Variants in L3MBTL4 observed in about 807,000 individuals in gnomAD.
L3MBTL4 encodes the protein L3MBTL histone methyl-lysine binding protein 4.
A neutral mutation model predicts 84.5 loss-of-function variants in L3MBTL4; 70 were observed. The ratio of observed to expected loss-of-function variants is 0.83; its 90% confidence interval spans 0.68 to 1.01. L3MBTL4 has a LOEUF of 1.01. Among genes scored for constraint, L3MBTL4 ranks in the 50% least tolerant of loss-of-function variants. The pLI is 0.00. For synonymous variants in L3MBTL4, 274 were observed against 259.8 expected (o/e 1.05, Z -0.52); for missense variants, 715 against 754.8 (o/e 0.95, Z 0.62).
intron 13 of L3MBTL4, among the ~76,000 whole-genome samples, chr18:6,146,679 G>C (rs1271460216): frequency 1.3e-5 from 2 of 152,240 alleles, no homozygotes; most frequent in Non-Finnish European, 2.9e-5. Context: ...GTTGTATAAA[G>C]TGGTTATAAA....
chr18:6,147,895 T>C (rs974692824), intron 13 of L3MBTL4, among the ~76,000 whole-genome samples: 4 of 152,200 alleles, frequency 2.6e-5, no homozygotes, highest in Admixed American at 6.5e-5. Flanking sequence ...ATTTATCATA[T>C]GTTCAGCTTT....
chr18:6,361,765 G>A (rs1020100580), intron 1 of L3MBTL4, among the ~76,000 whole-genome samples: 3 of 152,108 alleles, frequency 2.0e-5, no homozygotes, highest in African/African-American at 7.2e-5. Context: ...TTCCATGTAC[G>A]TCGTCTCTTT....
intron 13 of L3MBTL4, among the ~76,000 whole-genome samples, chr18:6,169,864 G>A (rs1300568545): frequency 6.6e-6 from 1 of 151,676 alleles, no homozygotes; most frequent in Non-Finnish European, 1.5e-5. Flanking sequence ...TTTAATTAAA[G>A]TATTTGGAAA....
chr18:6,282,097 C>T (rs893178769), intron 4 of L3MBTL4, among the ~76,000 whole-genome samples: 3 of 152,138 alleles, frequency 2.0e-5, no homozygotes, highest in Non-Finnish European at 2.9e-5. Flanking sequence ...AAGTGCTTCT[C>T]CATGAGTCTA....
intron 12 of L3MBTL4, among the ~76,000 whole-genome samples, chr18:6,208,019 TGTGAGAATTGTGTG>T (rs2045944521): frequency 1.3e-5 from 2 of 151,584 alleles, no homozygotes; most frequent in Admixed American, 6.6e-5. Context: ...GAGGCTGAGG[TGTGAGAATTGTGTG>T]AGCCCATGGA....
chr18:6,311,032 G>A (rs919381190), intron 3 of L3MBTL4, among the ~76,000 whole-genome samples: 3 of 151,936 alleles, frequency 2.0e-5, no homozygotes, highest in African/African-American at 7.3e-5. Flanking sequence ...CTCCTCCCTG[G>A]GCCTCCTGCC....
At chr18:6,329,380 C>T (rs1415823244) in intron 1 of L3MBTL4, among the ~76,000 whole-genome samples, 1 of 151,872 alleles carries the variant, frequency 6.6e-6, no homozygotes, top group East Asian at 1.9e-4. Flanking sequence ...GTCTCTATCT[C>T]CTGACCTCAC....
At chr18:6,287,333 G>GA (rs1479062561) in intron 4 of L3MBTL4, among the ~76,000 whole-genome samples, 1 of 151,400 alleles carries the variant, frequency 6.6e-6, no homozygotes, top group African/African-American at 2.4e-5. Flanking sequence ...CGAGGCTCCA[G>GA]AAAAAAAAGA....
At chr18:6,199,280 T>A (rs542743515) in intron 12 of L3MBTL4, among the ~76,000 whole-genome samples, 1 of 152,322 alleles carries the variant, frequency 6.6e-6, no homozygotes, top group Non-Finnish European at 1.5e-5. Context: ...CTGGACACCC[T>A]AAAGCTACAC....
chr18:6,213,020 T>A (rs1328515290), intron 12 of L3MBTL4, 129 bp downstream of exon 12: 6 of 575,694 alleles, frequency 1.0e-5, no homozygotes, highest in Non-Finnish European at 1.5e-5. Flanking sequence ...CAGAACGCTT[T>A]TCCCCCCAGA....
intron 16 of L3MBTL4, among the ~76,000 whole-genome samples, chr18:6,018,222 C>T (rs1347746902): frequency 6.6e-6 from 1 of 152,118 alleles, no homozygotes; most frequent in Non-Finnish European, 1.5e-5. Flanking sequence ...GAAAGTCGAA[C>T]CGAGGCTGCC....
intron 16 of L3MBTL4, among the ~76,000 whole-genome samples, chr18:6,071,391 TAA>T (rs769840156): frequency 4.8e-4 from 62 of 129,834 alleles, no homozygotes; most frequent in Middle Eastern, 4.2e-3. Context: ...CTCTTTCAAT[TAA>T]AAAAAAAAAA....
At chr18:6,131,978 TA>T (rs1469076209) in intron 14 of L3MBTL4, among the ~76,000 whole-genome samples, 2 of 152,196 alleles carry the variant, frequency 1.3e-5, no homozygotes, top group South Asian at 2.1e-4. Flanking sequence ...ATTAACTGGG[TA>T]AAAAACAGTG....
intron 16 of L3MBTL4, among the ~76,000 whole-genome samples, chr18:5,971,916 A>G (rs950699376): frequency 6.6e-6 from 1 of 152,230 alleles, no homozygotes; most frequent in South Asian, 2.1e-4. Context: ...TATGCTGTGC[A>G]TTTGAACTCA....
intron 1 of L3MBTL4, among the ~76,000 whole-genome samples, chr18:6,409,806 C>T (rs147139354): frequency 6.6e-6 from 1 of 152,302 alleles, no homozygotes; most frequent in African/African-American, 2.4e-5. Flanking sequence ...TCCCCTAGGG[C>T]TCACACTGGG....
chr18:6,167,139 T>C (rs1457462035), intron 13 of L3MBTL4, among the ~76,000 whole-genome samples: 1 of 152,172 alleles, frequency 6.6e-6, no homozygotes, highest in Non-Finnish European at 1.5e-5. Context: ...AGAAGTTGAA[T>C]CTCTGAATAG....
intron 16 of L3MBTL4, among the ~76,000 whole-genome samples, chr18:5,983,376 G>A (rs182811326): frequency 6.7e-4 from 102 of 152,210 alleles, no homozygotes; most frequent in African/African-American, 2.4e-3. Flanking sequence ...GTAGATAACC[G>A]AATCACTGCT....
intron 16 of L3MBTL4, 55 bp from the exon 17 acceptor site, chr18:5,969,617 T>A: frequency 6.5e-7 from 1 of 1,535,732 alleles, no homozygotes; most frequent in South Asian, 1.3e-5. Flanking sequence ...CAAGCACTGC[T>A]GTGTCAGCCC....
At chr18:5,956,527 G>A (rs1419631446) in intron 18 of L3MBTL4, 140 bp from the exon 19 acceptor site, 2 of 689,716 alleles carry the variant, frequency 2.9e-6, no homozygotes, top group African/African-American at 1.8e-5. Context: ...GAGAATGACG[G>A]TAGCTCTCAC....
Sources: allele counts gnomAD v4.1 joint callset (sites outside exome capture counted in the v4.1 genomes callset), GRCh38; gene constraint gnomAD v4.1.1; transcripts MANE v1.5; gene names NCBI Gene and HGNC (gene_info 2026-07-23, HGNC 2026-07-21).